Variants in PHIP observed in about 807,000 individuals in gnomAD.
PHIP encodes PHIP subunit of CUL4-Ring ligase complex.
A neutral mutation model predicts 236.8 loss-of-function variants in PHIP; 54 were observed. The observed-to-expected ratio is 0.23, with a 90% confidence interval of 0.18 to 0.29. The LOEUF is 0.29. Among genes scored for constraint, PHIP ranks in the 10% least tolerant of loss-of-function variants. PHIP has a pLI of 1.00. For missense variants in PHIP, 1,370 were observed against 2,190.8 expected (o/e 0.63, Z 7.48); for synonymous variants, 756 against 718.9 (o/e 1.05, Z -0.83).
At chr6:78,966,659 T>C (rs1312778365) in intron 27 of PHIP, among the ~76,000 whole-genome samples, 5 of 152,222 alleles carry the variant, frequency 3.3e-5, no homozygotes, top group South Asian at 2.1e-4. Flanking sequence ...CCTTATCCAA[T>C]TGCTGTCGTC....
intron 33 of PHIP, 78 bp from the exon 34 acceptor site, chr6:78,955,360 T>C (rs1766344051): frequency 9.6e-7 from 1 of 1,039,294 alleles, no homozygotes; most frequent in Non-Finnish European, 1.5e-6. Flanking sequence ...CTAGCAATTA[T>C]TTCCTTTACA....
At position 78,978,654 on chromosome 6, in the gene PHIP, A is replaced by G; in HGVS notation, c.2827T>C (p.Ser943Pro). The change falls in exon 24 of 40, where the codon TCA (serine) becomes CCA (proline). Residue 943 changes from serine to proline, a missense_variant. Coordinates refer to ENST00000275034, the MANE Select transcript of PHIP (RefSeq NM_017934.7). ...NGLTLEEWLP[S>P]TWITDTIPRR... ...GGAATGGTATCTGTAATCCATGTTGATGGCAACCATTCTTCTAATGTCAAA... is the reference window on the plus strand; with the variant it reads ...GGAATGGTATCTGTAATCCATGTTGGTGGCAACCATTCTTCTAATGTCAAA... 2 of 1,598,412 alleles carry G rather than the reference A, an allele frequency of 1.3e-6. No homozygotes were observed. Among genetic ancestry groups the G allele is most frequent in the Non-Finnish European group, 1.7e-6 (2 of 1,168,916 alleles).
intron 6 of PHIP, among the ~76,000 whole-genome samples, chr6:79,052,907 T>C (rs1270347536): frequency 6.6e-6 from 1 of 152,182 alleles, no homozygotes; most frequent in Non-Finnish European, 1.5e-5. Flanking sequence ...AGGTGCTATA[T>C]AAATGTGACA....
At chr6:78,990,816 G>C in intron 20 of PHIP, 52 bp downstream of exon 20, 1 of 951,242 alleles carries the variant, frequency 1.1e-6, no homozygotes, top group Middle Eastern at 2.6e-4. Flanking sequence ...GCCTTAAAAT[G>C]GTCACTATAC....
intron 6 of PHIP, 131 bp downstream of exon 6, chr6:79,060,347 A>T (rs1397799212): frequency 1.8e-6 from 1 of 563,566 alleles, no homozygotes; most frequent in Non-Finnish European, 3.0e-6. Flanking sequence ...AAAAAAATCT[A>T]TTTTTTTCTT....
chr6:78,977,381 T>C (rs889927754), intron 24 of PHIP, among the ~76,000 whole-genome samples: 3 of 143,598 alleles, frequency 2.1e-5, no homozygotes, highest in African/African-American at 7.9e-5. Context: ...TGTTGTGGGG[T>C]GGGGGACGGG....
In PHIP at chr6:78,955,442, A is replaced by T. The variant is rs180845490; in HGVS notation, c.3853-160T>A. Among the ~76,000 whole-genome samples the T allele has an allele frequency of 7.8e-4, 118 of 151,776 alleles. 1 individual carries two copies. The South Asian group carries it at 8.3e-3, about 11-fold the overall frequency. ...TTAAAAAGGTTCCCCCCATTAAAAAATTTTTTTTAACTATAAGAAGAATAT... is the reference window on the plus strand; with the variant it reads ...TTAAAAAGGTTCCCCCCATTAAAAATTTTTTTTTAACTATAAGAAGAATAT... On this transcript the variant is annotated intron_variant, in intron 33 of 39. Coordinates refer to ENST00000275034, the MANE Select transcript of PHIP (RefSeq NM_017934.7).
At chr6:78,986,114 G>A (rs926873037) in intron 21 of PHIP, among the ~76,000 whole-genome samples, 1 of 151,992 alleles carries the variant, frequency 6.6e-6, no homozygotes, top group Non-Finnish European at 1.5e-5. Context: ...CTTTGAGAAG[G>A]CACATTTATG....
At chr6:79,021,002 T>C (rs1329713087) in intron 9 of PHIP, among the ~76,000 whole-genome samples, 2 of 152,254 alleles carry the variant, frequency 1.3e-5, no homozygotes, top group African/African-American at 4.8e-5. Context: ...GTTAGTTTAA[T>C]GGAAAACACA....
At chr6:79,061,913 CA>C (rs1773400746) in intron 4 of PHIP, among the ~76,000 whole-genome samples, 1 of 151,018 alleles carries the variant, frequency 6.6e-6, no homozygotes, top group Admixed American at 6.6e-5. Context: ...TGCAGAAATC[CA>C]TGAATGATAT....
chr6:78,985,286 T>TAAAA, intron 22 of PHIP, 66 bp downstream of exon 22: 1 of 696,614 alleles, frequency 1.4e-6, no homozygotes, highest in Non-Finnish European at 2.4e-6. Context: ...TGTTGCTGGT[T>TAAAA]AAAAAAAAAA....
chr6:79,041,338 C>T (rs1189208930), intron 7 of PHIP, among the ~76,000 whole-genome samples: 1 of 152,078 alleles, frequency 6.6e-6, no homozygotes, highest in Non-Finnish European at 1.5e-5. Context: ...CACTATTTCA[C>T]TGCATTCTCC....
intron 31 of PHIP, 76 bp from the exon 32 acceptor site, chr6:78,958,676 T>C: frequency 1.1e-6 from 1 of 880,422 alleles, no homozygotes; most frequent in South Asian, 1.5e-5. Context: ...AACCAAGACA[T>C]TCCAACTTTT....
Position 78,988,352 on chromosome 6 carries a change from A to C in PHIP, c.2320-3T>G, listed in dbSNP as rs1562156195. ...AGGAAATGCTCATGAGCATGATTCT[A>C]GAAAAAAATAAATTAAATTTATTCA... On this transcript the variant is annotated splice_region_variant and splice_polypyrimidine_tract_variant and intron_variant, in intron 20 of 39. Transcript: ENST00000275034. 6.4e-7 allele frequency: 1 copy of C among 1,567,662 alleles called. No individual in the cohort carries two copies. The highest frequency in any genetic ancestry group is 2.3e-5 in the East Asian group (1 of 44,036).
chr6:79,022,597 G>A (rs565856269), intron 9 of PHIP, among the ~76,000 whole-genome samples: 5 of 152,208 alleles, frequency 3.3e-5, no homozygotes, highest in South Asian at 4.1e-4. Context: ...CAGACTAAGC[G>A]CCTAATAATC....
intron 7 of PHIP, among the ~76,000 whole-genome samples, chr6:79,040,854 A>G: frequency 6.6e-6 from 1 of 151,430 alleles, no homozygotes; most frequent in Non-Finnish European, 1.5e-5. Flanking sequence ...GAATTTAGCA[A>G]AACAAATTCT....
intron 4 of PHIP, among the ~76,000 whole-genome samples, chr6:79,070,052 C>A (rs1380336853): frequency 6.6e-6 from 1 of 151,646 alleles, no homozygotes; most frequent in Admixed American, 6.6e-5. Flanking sequence ...TTACATCTTG[C>A]TAAAAAAAAG....
In PHIP at chr6:78,985,394, G is replaced by T; in HGVS notation, c.2495C>A (p.Ser832Tyr). ...GEVVAVSGGT[S>Y]EEEERAWHSD... ...GTGCCATGCTCTCTCTTCTTCTTCG[G>T]ATGTTCCACCACTGACAGCAACTAC... Residue 832 changes from serine to tyrosine, a missense_variant, in exon 22 of 40, where the codon TCC becomes TAC. Ser to Tyr is a moderately radical substitution (Grantham distance 144, BLOSUM62 -2). This residue lies in a region of PHIP where 99 missense variants were observed against 110.0 expected (regional missense o/e 0.90). Coordinates refer to ENST00000275034, the MANE Select transcript of PHIP (RefSeq NM_017934.7). The T allele has an allele frequency of 6.2e-7, 1 of 1,601,436 alleles. No homozygotes were observed. Among genetic ancestry groups the T allele is most frequent in the Non-Finnish European group, 8.6e-7 (1 of 1,168,588 alleles).
rs113075822 is a variant in PHIP, at chr6:78,970,352, T to C, written c.2998-179A>G. Among the ~76,000 whole-genome samples, 88 of 152,116 alleles carry C rather than the reference T, an allele frequency of 5.8e-4. 2 individuals are homozygous for C. The highest frequency in any genetic ancestry group is 2.1e-3 in the African/African-American group (86 of 41,542). On this transcript the variant is annotated intron_variant, in intron 25 of 39. Coordinates refer to ENST00000275034, the MANE Select transcript of PHIP (RefSeq NM_017934.7). ...ATTTGTGCACTTTATAGTATGCAAG[T>C]TACAATGAAATTTTTAAAACGTAAA...
Sources: allele counts gnomAD v4.1 joint callset (sites outside exome capture counted in the v4.1 genomes callset), GRCh38; gene constraint gnomAD v4.1.1; regional missense constraint gnomAD v4.1.1; transcripts MANE v1.5; gene names NCBI Gene and HGNC (gene_info 2026-07-23, HGNC 2026-07-21).